Variants in FBLN1 observed in about 807,000 individuals in gnomAD.
FBLN1 encodes the protein fibulin 1.
Under a neutral mutation model 89.7 loss-of-function variants are expected in FBLN1, and 34 were observed. The ratio of observed to expected loss-of-function variants is 0.38; its 90% CI spans 0.29 to 0.50. The LOEUF is 0.50. Among genes scored for constraint, FBLN1 ranks in the 20% least tolerant of loss-of-function variants. The pLI is 0.92. For missense variants in FBLN1, 777 were observed against 988.1 expected (o/e 0.79, Z 2.86); for synonymous variants, 393 against 391.3 (o/e 1.00, Z -0.05).
intron 2 of FBLN1, among the ~76,000 whole-genome samples, chr22:45,521,637 A>G (rs1171184089): frequency 1.3e-5 from 2 of 152,178 alleles, no homozygotes; most frequent in East Asian, 3.9e-4. Context: ...TCCAGGTCAC[A>G]GTGAGACGGA....
chr22:45,531,194 A>G lies in FBLN1; in HGVS notation c.485-71A>G. On this transcript the variant is annotated intron_variant, in intron 4 of 16. Transcript: ENST00000327858. This position sits in a 1 kb window ranked among gnomAD's most constrained non-coding sequence, Gnocchi z 4.9. ...TGCCTGATAGTGACAAGAAGAGAGAATGTTGGGAGTTTCTTTTAAGATAAG... is the reference window on the plus strand; with the variant it reads ...TGCCTGATAGTGACAAGAAGAGAGAGTGTTGGGAGTTTCTTTTAAGATAAG... 1 of 1,313,646 alleles carries G rather than the reference A, an allele frequency of 7.6e-7. No individual in the cohort carries two copies. The allele number at this position is 1,313,646 out of a possible 1,614,324, so 81.4% of individuals were successfully genotyped here. A position where few individuals can be genotyped will look rare whatever the true frequency, so the allele number is the denominator to read the frequency against.
chr22:45,569,329 C>T (rs1171872705), intron 14 of FBLN1, among the ~76,000 whole-genome samples: 1 of 152,180 alleles, frequency 6.6e-6, no homozygotes, highest in African/African-American at 2.4e-5. Context: ...TAATCCAATA[C>T]AGCAGGAGTT....
At chr22:45,593,172 G>A in intron 16 of FBLN1, among the ~76,000 whole-genome samples, 1 of 57,958 alleles carries the variant, frequency 1.7e-5, no homozygotes, top group African/African-American at 6.5e-5. Flanking sequence ...CCCACCCCCC[G>A]CCACTGACTT....
chr22:45,552,809 G>C (rs1044841673), intron 14 of FBLN1, among the ~76,000 whole-genome samples: 5 of 152,314 alleles, frequency 3.3e-5, no homozygotes, highest in African/African-American at 1.2e-4. Flanking sequence ...TTGTGGACAG[G>C]ACCAGGCTGT....
At chr22:45,551,568 T>C (rs546949068) in intron 14 of FBLN1, among the ~76,000 whole-genome samples, 72 of 152,358 alleles carry the variant, frequency 4.7e-4, no homozygotes, top group Middle Eastern at 3.4e-3. Context: ...TTTGCGATTC[T>C]CATTGGCTGG....
rs6007082 is a variant in FBLN1, at chr22:45,532,877, G to T, written c.545-186G>T. The T allele has an allele frequency of 2.7e-5, 17 of 636,416 alleles. No homozygotes were observed. Among genetic ancestry groups the T allele is most frequent in the Admixed American group, 1.6e-4 (7 of 42,968 alleles). 39.4% of individuals were successfully genotyped at this position (636,416 alleles called of 1,614,324 possible). ...TTGGGACCTGAAGCAGCAGCCCCTG[G>T]GGGGTGTCCAGAGCCAGAGCCTGGG... On this transcript the variant is annotated intron_variant, in intron 5 of 16. Transcript: ENST00000327858. The surrounding 1 kb of genome is among the most constrained non-coding windows in gnomAD (Gnocchi z 4.2).
At chr22:45,517,807 G>T (rs1006767603) in intron 1 of FBLN1, 2 of 365,458 alleles carry the variant, frequency 5.5e-6, no homozygotes, top group East Asian at 8.0e-5. Context: ...GAGAAAACAC[G>T]GATGTGGGTC....
At position 45,533,749 on chromosome 22, in the gene FBLN1, G is replaced by A. The variant is rs545434511; in HGVS notation, c.647-12G>A. ...TTGCTGGTCACCCCCGCACTGCCTC[G>A]GTCTCTCCTAGATGTCAATGAATGC... On this transcript the variant is annotated splice_polypyrimidine_tract_variant and intron_variant, in intron 6 of 16. Transcript: ENST00000327858. 3 of 1,609,864 alleles carry A rather than the reference G, an allele frequency of 1.9e-6. No individual in the cohort carries two copies. The highest frequency in any genetic ancestry group is 1.7e-5 in the Admixed American group (1 of 60,002).
intron 16 of FBLN1, among the ~76,000 whole-genome samples, chr22:45,596,802 CTT>C (rs59210663): frequency 0.29 from 42,894 of 145,886 alleles, 9,102 homozygotes; most frequent in African/African-American, 0.6. Context: ...TATAAATACA[CTT>C]ATGTGTAAAT....
At chr22:45,554,708 C>T (rs992634950) in intron 14 of FBLN1, among the ~76,000 whole-genome samples, 3 of 152,212 alleles carry the variant, frequency 2.0e-5, no homozygotes, top group African/African-American at 7.2e-5. Flanking sequence ...AGAATCCAGA[C>T]ACAGCCCAGA....
At chr22:45,543,995 C>T (rs922607945) in intron 11 of FBLN1, among the ~76,000 whole-genome samples, 2 of 152,142 alleles carry the variant, frequency 1.3e-5, no homozygotes, top group Admixed American at 1.3e-4. Flanking sequence ...TCTCAAGTCA[C>T]CCAAACAAAA....
At chr22:45,573,728 C>T (rs991495359) in intron 14 of FBLN1, among the ~76,000 whole-genome samples, 1 of 143,374 alleles carries the variant, frequency 7.0e-6, no homozygotes, top group Non-Finnish European at 1.5e-5. Flanking sequence ...CCGTGGGACT[C>T]AGGCTAGGGG....
intron 11 of FBLN1, among the ~76,000 whole-genome samples, chr22:45,546,454 T>C (rs540218823): frequency 6.6e-6 from 1 of 152,344 alleles, no homozygotes; most frequent in African/African-American, 2.4e-5. Flanking sequence ...GACCTCGTGA[T>C]CCGCCCACCT....
At chr22:45,553,046 G>A (rs1328535176) in intron 14 of FBLN1, among the ~76,000 whole-genome samples, 2 of 152,208 alleles carry the variant, frequency 1.3e-5, no homozygotes, top group Non-Finnish European at 2.9e-5. Context: ...CACGGTGGAC[G>A]GTGGCAGAGA....
At chr22:45,554,296 G>C (rs1402441345) in intron 14 of FBLN1, among the ~76,000 whole-genome samples, 3 of 152,232 alleles carry the variant, frequency 2.0e-5, no homozygotes, top group Admixed American at 6.5e-5. Flanking sequence ...GGACGCTTTG[G>C]TCATAGCTCC....
intron 16 of FBLN1, among the ~76,000 whole-genome samples, chr22:45,585,547 A>G (rs2089077487): frequency 6.6e-6 from 1 of 152,178 alleles, no homozygotes; most frequent in Non-Finnish European, 1.5e-5. Flanking sequence ...CCTGGCTTTC[A>G]CGGCAAATCC....
chr22:45,508,139 C>T (rs73171291), intron 1 of FBLN1, among the ~76,000 whole-genome samples: 3,808 of 152,176 alleles, frequency 0.025, 73 homozygotes, highest in Admixed American at 0.061. Flanking sequence ...TTGTCCCCCT[C>T]ATCAATGAGG....
In FBLN1 at chr22:45,600,774, CA is replaced by C. The variant is rs1306651510; in HGVS notation, c.*331del. ...GACATTTTTTAGGGGGCAGCCAGTC[CA>C]AATGCCAAAAGAAGACCAGTTCTTG... On this transcript the variant is annotated 3_prime_UTR_variant, in exon 17 of 17. Coordinates refer to ENST00000327858, the MANE Select transcript of FBLN1 (RefSeq NM_006486.3). The C allele has an allele frequency of 7.7e-6, 3 of 389,036 alleles. No individual in the cohort carries two copies. The highest frequency in any genetic ancestry group is 7.7e-5 in the Admixed American group (2 of 25,968). The allele number at this position is 389,036 out of a possible 1,614,324, so 24.1% of individuals were successfully genotyped here.
intron 1 of FBLN1, among the ~76,000 whole-genome samples, chr22:45,512,022 T>C (rs1363209301): frequency 6.6e-6 from 1 of 152,074 alleles, no homozygotes; most frequent in Non-Finnish European, 1.5e-5. Flanking sequence ...GGAGAGAAGA[T>C]TCCAGGTCCC....
Sources: gnomAD v4.1 joint callset for allele counts (sites outside exome capture counted in the v4.1 genomes callset) on GRCh38, gnomAD v4.1.1 for gene constraint, Gnocchi (gnomAD v3.1) non-coding constraint, MANE v1.5 for transcripts, NCBI Gene and HGNC (gene_info 2026-07-23, HGNC 2026-07-21) for gene names.